Variants in DCLK2 observed in about 807,000 individuals in gnomAD.
The protein encoded by DCLK2 is serine/threonine-protein kinase DCLK2.
In DCLK2, 31 loss-of-function variants were observed where a neutral mutation model predicts 78.4. The observed-to-expected ratio is 0.40, with a 90% CI of 0.30 to 0.53. The LOEUF (loss-of-function observed/expected upper bound fraction) is 0.53. Ranked by LOEUF, DCLK2 falls within the 20% of genes least tolerant of loss-of-function variation. The probability of loss-of-function intolerance (pLI) is 0.61; values close to 1 mark genes in which losing one functional copy is unlikely to be tolerated. For missense variants in DCLK2, 872 were observed against 973.7 expected (o/e 0.90, Z 1.39); for synonymous variants, 407 against 374.9 (o/e 1.09, Z -0.99).
chr4:150,093,826 G>A (rs985055696), intron 1 of DCLK2, among the ~76,000 whole-genome samples: 2 of 152,144 alleles, frequency 1.3e-5, no homozygotes, highest in Non-Finnish European at 2.9e-5. Context: ...CAAAGACACA[G>A]TAATTAAAAC....
At chr4:150,096,468 G>T (rs1400202627) in intron 1 of DCLK2, among the ~76,000 whole-genome samples, 1 of 152,166 alleles carries the variant, frequency 6.6e-6, no homozygotes, top group Non-Finnish European at 1.5e-5. Context: ...GTAGATGGTG[G>T]TTGAAGCCAT....
intron 5 of DCLK2, among the ~76,000 whole-genome samples, chr4:150,212,339 A>G (rs1740380989): frequency 6.6e-6 from 1 of 152,222 alleles, no homozygotes; most frequent in Non-Finnish European, 1.5e-5. Flanking sequence ...CAGAGCTAAA[A>G]TGTAACTCTT....
intron 2 of DCLK2, among the ~76,000 whole-genome samples, chr4:150,145,693 G>T (rs1463619197): frequency 6.6e-6 from 1 of 152,152 alleles, no homozygotes; most frequent in Non-Finnish European, 1.5e-5. Flanking sequence ...GAGGTAGGTT[G>T]CCTTAGCCCA....
chr4:150,098,517 T>C lies in DCLK2; in HGVS notation c.422-3961T>C, dbSNP rs111430615. ...CCTAGTTGAACTCTAATTTTTATTT[T>C]GTTAATTTTTTATTTCAATAGCTTT... On this transcript the variant is annotated intron_variant, in intron 1 of 15. Transcript: ENST00000296550. Among the ~76,000 whole-genome samples, 731 of 152,256 alleles carry C rather than the reference T, an allele frequency of 4.8e-3. 7 individuals carry two copies. The highest frequency in any genetic ancestry group is 0.017 in the African/African-American group (699 of 41,544).
At chr4:150,079,491 G>A (rs756968380) in intron 1 of DCLK2, 43 bp downstream of exon 1, 2 of 1,441,736 alleles carry the variant, frequency 1.4e-6, no homozygotes, top group Non-Finnish European at 9.1e-7. Context: ...GCGGAGCGCC[G>A]GCAGGTGCAG....
At chr4:150,229,032 CA>C (rs777461441) in intron 8 of DCLK2, among the ~76,000 whole-genome samples, 6 of 103,722 alleles carry the variant, frequency 5.8e-5, no homozygotes, top group African/African-American at 7.3e-5. Flanking sequence ...GACTCCGTCT[CA>C]AAAAAAAAAC....
intron 10 of DCLK2, among the ~76,000 whole-genome samples, chr4:150,236,491 C>T (rs950100692): frequency 1.2e-4 from 19 of 152,144 alleles, no homozygotes; most frequent in African/African-American, 4.6e-4. Flanking sequence ...TCTAGAAGTC[C>T]AGTGAGATAA....
chr4:150,249,764 C>T (rs1743615685), intron 15 of DCLK2, 80 bp downstream of exon 15: 6 of 1,163,114 alleles, frequency 5.2e-6, no homozygotes, highest in East Asian at 2.3e-5. Context: ...GAGCTGCCCT[C>T]ACATGGAAGT....
chr4:150,197,232 A>T (rs529492114), intron 3 of DCLK2, among the ~76,000 whole-genome samples: 1 of 152,312 alleles, frequency 6.6e-6, no homozygotes, highest in South Asian at 2.1e-4. Flanking sequence ...GATGGAACAT[A>T]ATTCAGGAGG....
intron 1 of DCLK2, among the ~76,000 whole-genome samples, chr4:150,091,114 T>C (rs1477943342): frequency 6.6e-6 from 1 of 152,202 alleles, no homozygotes; most frequent in Admixed American, 6.5e-5. Flanking sequence ...TCTTACTTTT[T>C]CTTACTCTGT....
intron 2 of DCLK2, among the ~76,000 whole-genome samples, chr4:150,140,440 G>A (rs549936328): frequency 6.6e-6 from 1 of 152,294 alleles, no homozygotes; most frequent in East Asian, 1.9e-4. Flanking sequence ...CAGCAAAGGG[G>A]TCCACAGGGT....
chr4:150,112,750 T>C (rs1284157461), intron 2 of DCLK2, among the ~76,000 whole-genome samples: 1 of 152,084 alleles, frequency 6.6e-6, no homozygotes, highest in Non-Finnish European at 1.5e-5. Context: ...CTTGTATTTA[T>C]TAAATTATCC....
chr4:150,220,621 T>A, intron 5 of DCLK2, 82 bp from the exon 6 acceptor site: 3 of 1,161,778 alleles, frequency 2.6e-6, no homozygotes, highest in Non-Finnish European at 3.8e-6. Context: ...TTACATTCTG[T>A]AAGCATTTTG....
intron 2 of DCLK2, among the ~76,000 whole-genome samples, chr4:150,173,954 C>T (rs1376808215): frequency 1.3e-5 from 2 of 152,126 alleles, no homozygotes; most frequent in Non-Finnish European, 2.9e-5. Context: ...CCTATGAAGT[C>T]GAAGGGGTTA....
chr4:150,086,222 T>G (rs1409426419), intron 1 of DCLK2, among the ~76,000 whole-genome samples: 1 of 152,172 alleles, frequency 6.6e-6, no homozygotes, highest in Non-Finnish European at 1.5e-5. Flanking sequence ...CTATTTAAGA[T>G]GTTTTAATAG....
At chr4:150,245,311 T>C (rs553854385) in intron 12 of DCLK2, among the ~76,000 whole-genome samples, 1 of 152,222 alleles carries the variant, frequency 6.6e-6, no homozygotes, top group African/African-American at 2.4e-5. Flanking sequence ...CACTCCTCAG[T>C]GTGCCTCTTC....
intron 2 of DCLK2, among the ~76,000 whole-genome samples, chr4:150,189,435 C>T (rs1738226394): frequency 2.6e-5 from 4 of 152,136 alleles, no homozygotes; most frequent in Admixed American, 6.5e-5. Flanking sequence ...ATGAGAAAGC[C>T]GCATGCTGTC....
At chr4:150,203,360 ACAAACTTCTTGGTTATC>A (rs1266908160) in intron 4 of DCLK2, among the ~76,000 whole-genome samples, 2 of 152,216 alleles carry the variant, frequency 1.3e-5, no homozygotes, top group African/African-American at 2.4e-5. Context: ...GGAGAGCCAC[ACAAACTTCTTGGTTATC>A]CAAACTTCTT....
Position 150,114,441 on chromosome 4 carries a change from G to A in DCLK2, c.756+11629G>A, listed in dbSNP as rs868132985. Among the ~76,000 whole-genome samples the A allele has an allele frequency of 1.6e-4, 25 of 152,178 alleles. No individual in the cohort carries two copies. In the Middle Eastern group the frequency reaches 0.01, roughly 62 times the overall value. On this transcript the variant is annotated intron_variant, in intron 2 of 15. Coordinates refer to ENST00000296550, the MANE Select transcript of DCLK2 (RefSeq NM_001040260.4). ...CTAGATGTAAGGTACTGTTCCAGTC[G>A]TCATGTTGATTATCACTTAGATACT...
Sources: gnomAD v4.1 joint callset for allele counts (sites outside exome capture counted in the v4.1 genomes callset) on GRCh38, gnomAD v4.1.1 for gene constraint, MANE v1.5 for transcripts, NCBI Gene and HGNC (gene_info 2026-07-23, HGNC 2026-07-21) for gene names.